The following SMOC1 variants were observed in gnomAD, a reference collection of about 807,000 sequenced individuals.
SMOC1 encodes the protein SPARC-related modular calcium-binding protein 1.
In SMOC1, 22 loss-of-function variants were observed where a neutral mutation model predicts 56.3. The ratio of observed to expected loss-of-function variants is 0.39; its 90% confidence interval spans 0.28 to 0.56. The LOEUF (loss-of-function observed/expected upper bound fraction) is 0.56. Ranked by LOEUF, SMOC1 falls within the 20% of genes least tolerant of loss-of-function variation. SMOC1 has a pLI of 0.61. For synonymous variants in SMOC1, 193 were observed against 215.0 expected (o/e 0.90, Z 0.89); for missense variants, 509 against 565.4 (o/e 0.90, Z 1.01).
intron 1 of SMOC1, among the ~76,000 whole-genome samples, chr14:69,905,011 C>T (rs1566667922): frequency 6.6e-6 from 1 of 152,064 alleles, no homozygotes. Flanking sequence ...TAACGGGTTG[C>T]CTGTAATGAA....
rs1220558224 is a variant in SMOC1 at position 69,950,898 on chromosome 14, TTTA to T, written c.100-1232_100-1230del. Among the ~76,000 whole-genome samples the T allele has an allele frequency of 7.9e-5, 12 of 152,338 alleles. 1 individual carries two copies. The South Asian group carries it at 2.3e-3, about 29-fold the overall frequency. On this transcript the variant is annotated intron_variant, in intron 1 of 11. Transcript: ENST00000361956. The stretch of plus-strand genomic sequence containing the variant: ...CACAAAACTTAACGGCTTAAAACAA[TTTA>T]TTATTATAATCTTTCTCAGTTCTGT...
intron 7 of SMOC1, 103 bp downstream of exon 7, chr14:69,994,583 G>C: frequency 4.4e-6 from 4 of 912,322 alleles, no homozygotes; most frequent in Non-Finnish European, 7.2e-6. Flanking sequence ...CATTTAATCT[G>C]TCTGGTTGTC....
At chr14:69,960,564 G>A (rs1032617508) in intron 3 of SMOC1, among the ~76,000 whole-genome samples, 8 of 151,914 alleles carry the variant, frequency 5.3e-5, no homozygotes, top group Non-Finnish European at 7.4e-5. Context: ...CCCCACTGTT[G>A]GGCACTTATT....
chr14:69,891,583 G>A (rs532899233), intron 1 of SMOC1, among the ~76,000 whole-genome samples: 4 of 152,062 alleles, frequency 2.6e-5, no homozygotes, highest in South Asian at 4.2e-4. Flanking sequence ...ATCTGCTGGC[G>A]TCTCCCTCCT....
At position 70,030,829 on chromosome 14, in the gene SMOC1, T is replaced by C. The variant is rs111757119; in HGVS notation, c.*571T>C. 2.4e-4 allele frequency: 37 copies of C among 152,842 alleles called. No individual in the cohort carries two copies. Among genetic ancestry groups the C allele is most frequent in the African/African-American group, 8.4e-4 (35 of 41,554 alleles). 9.5% of individuals were successfully genotyped at this position (152,842 alleles called of 1,614,324 possible). ...ACTGCGGACTCCACGAGTTCTTTTC[T>C]GGTGGGAGGACTATATTGCCCCATG... On this transcript the variant is annotated 3_prime_UTR_variant, in exon 12 of 12. Transcript: ENST00000361956.
chr14:69,907,705 TACCATAG>T (rs1884447581), intron 1 of SMOC1, among the ~76,000 whole-genome samples: 1 of 152,216 alleles, frequency 6.6e-6, no homozygotes, highest in Admixed American at 6.5e-5. Context: ...TCTAGCAAAA[TACCATAG>T]ACTGGGTAAG....
In SMOC1 at chr14:69,952,265, A is replaced by T; in HGVS notation, c.227A>T (p.Asp76Val). Reference sequence around the variant, plus strand: ...GAGTACCAGCGAGCCAAGTGCCGAGACCCGACCCTGGGCGTGGTGCATCGA... The same window carrying T: ...GAGTACCAGCGAGCCAAGTGCCGAGTCCCGACCCTGGGCGTGGTGCATCGA... ...MCEYQRAKCR[D>V]PTLGVVHRGR... Residue 76 changes from aspartate to valine, a missense_variant, in exon 2 of 12, where the codon GAC (aspartate) becomes GTC (valine). Around this residue, in one of 3 missense-constraint regions of SMOC1, gnomAD observed 315 missense variants for 333.1 expected, o/e 0.95. Transcript: ENST00000361956. The T allele has an allele frequency of 6.2e-7, 1 of 1,614,116 alleles. No homozygotes were observed. The highest frequency in any genetic ancestry group is 8.5e-7 in the Non-Finnish European group (1 of 1,180,032).
At chr14:70,028,951 C>T (rs567550279) in intron 11 of SMOC1, among the ~76,000 whole-genome samples, 4 of 152,204 alleles carry the variant, frequency 2.6e-5, no homozygotes, top group African/African-American at 7.2e-5. Flanking sequence ...GGTTCTGCAG[C>T]GCTGTACACT....
chr14:69,981,014 A>G (rs1884160805), intron 5 of SMOC1, among the ~76,000 whole-genome samples: 1 of 152,170 alleles, frequency 6.6e-6, no homozygotes, highest in Non-Finnish European at 1.5e-5. Context: ...GTGACCACGG[A>G]GAGTCTGGTC....
intron 10 of SMOC1, among the ~76,000 whole-genome samples, chr14:70,015,478 A>G (rs901630075): frequency 6.6e-6 from 1 of 151,984 alleles, no homozygotes; most frequent in African/African-American, 2.4e-5. Context: ...AAAACGAAAG[A>G]AGAAAAAAGA....
At chr14:69,950,676 T>C (rs1250190867) in intron 1 of SMOC1, among the ~76,000 whole-genome samples, 1 of 152,170 alleles carries the variant, frequency 6.6e-6, no homozygotes, top group Non-Finnish European at 1.5e-5. Flanking sequence ...TGGACCCAGG[T>C]CTCAAGGCCT....
At chr14:69,996,463 C>A (rs552698760) in intron 7 of SMOC1, among the ~76,000 whole-genome samples, 14 of 152,316 alleles carry the variant, frequency 9.2e-5, no homozygotes, top group African/African-American at 3.4e-4. Context: ...TGCCTGTCTT[C>A]TTGGGCTGTA....
intron 3 of SMOC1, among the ~76,000 whole-genome samples, chr14:69,965,635 T>G (rs61981598): frequency 0.066 from 10,034 of 152,098 alleles, 396 homozygotes; most frequent in Middle Eastern, 0.14. Flanking sequence ...AAGTGGGCAA[T>G]CAGAGACCAA....
intron 3 of SMOC1, among the ~76,000 whole-genome samples, chr14:69,975,492 A>G (rs1236752478): frequency 6.6e-6 from 1 of 152,204 alleles, no homozygotes; most frequent in Non-Finnish European, 1.5e-5. Context: ...AGAGAGAAGC[A>G]GGTAAAATGC....
chr14:70,022,652 G>A (rs1885768648), intron 10 of SMOC1, among the ~76,000 whole-genome samples: 2 of 152,252 alleles, frequency 1.3e-5, no homozygotes, highest in Non-Finnish European at 2.9e-5. Context: ...CCCACATTCA[G>A]TTGTCATGAC....
chr14:69,917,616 G>A (rs191284026), intron 1 of SMOC1, among the ~76,000 whole-genome samples: 2 of 152,132 alleles, frequency 1.3e-5, no homozygotes, highest in Non-Finnish European at 2.9e-5. Context: ...GGTCTTCAGC[G>A]GGTTACACTT....
At chr14:69,999,710 G>C (rs778088452) in intron 7 of SMOC1, among the ~76,000 whole-genome samples, 1 of 152,306 alleles carries the variant, frequency 6.6e-6, no homozygotes, top group Middle Eastern at 3.4e-3. Flanking sequence ...GGCAACAAAG[G>C]CCTTTTTCTT....
chr14:69,927,853 G>A (rs116189209), intron 1 of SMOC1, among the ~76,000 whole-genome samples: 5 of 152,110 alleles, frequency 3.3e-5, no homozygotes, highest in African/African-American at 9.7e-5. Context: ...TGAGCATTCC[G>A]CAGGGACTTT....
chr14:69,994,283 G>T, intron 6 of SMOC1, 117 bp from the exon 7 acceptor site: 1 of 838,880 alleles, frequency 1.2e-6, no homozygotes, highest in Non-Finnish European at 2.1e-6. Flanking sequence ...GTGGGAGAGA[G>T]CTGAAGCCTC....
Sources: gnomAD v4.1 joint callset for allele counts (sites outside exome capture counted in the v4.1 genomes callset) on GRCh38, gnomAD v4.1.1 for gene constraint, gnomAD v4.1.1 regional missense constraint, MANE v1.5 for transcripts, NCBI Gene and HGNC (gene_info 2026-07-23, HGNC 2026-07-21) for gene names.